The following MGAT5 variants were observed in gnomAD, a reference collection of about 807,000 sequenced individuals.
MGAT5 encodes alpha-1,6-mannosylglycoprotein 6-beta-N-acetylglucosaminyltransferase.
In MGAT5, 30 loss-of-function variants were observed where a neutral mutation model predicts 94.3. The observed-to-expected ratio is 0.32, with a 90% CI of 0.24 to 0.43. The LOEUF is 0.43. Ranked by LOEUF, MGAT5 falls within the 20% of genes least tolerant of loss-of-function variation. MGAT5 has a pLI of 1.00. For synonymous variants in MGAT5, 310 were observed against 322.9 expected, an observed-to-expected ratio of 0.96 and a Z score of 0.43; for missense variants, 691 against 905.5, an observed-to-expected ratio of 0.76 and a Z score of 3.04.
At chr2:134,171,379 G>A (rs1034975939) in intron 1 of MGAT5, among the ~76,000 whole-genome samples, 1 of 152,170 alleles carries the variant, frequency 6.6e-6, no homozygotes, top group Non-Finnish European at 1.5e-5. Flanking sequence ...AGTCCGGAAA[G>A]CATTAGGATT....
rs1553499213 is a variant in MGAT5, at chr2:134,237,149, G to GTGTGTGTGTGCA, written c.-142-17113_-142-17112insTGTGTGTGTGCA. 2.9e-3 allele frequency among the ~76,000 whole-genome samples: 254 copies of GTGTGTGTGTGCA among 87,806 alleles called. 4 individuals are homozygous for GTGTGTGTGTGCA. The highest frequency in any genetic ancestry group is 0.025 in the East Asian group (123 of 4,842). 57.6% of individuals were successfully genotyped at this position (87,806 alleles called of 152,430 possible). On this transcript the variant is annotated intron_variant, in intron 1 of 16. Coordinates refer to the MGAT5 transcript ENST00000409645. ...TGTGTGTGTGTGTGTGTGTGTGTGT[G>GTGTGTGTGTGCA]CGCGTGTGTGTGAATTTTTACCCTC...
intron 10 of MGAT5, among the ~76,000 whole-genome samples, chr2:134,393,817 TCAAA>T (rs1682552209): frequency 6.6e-6 from 1 of 152,138 alleles, no homozygotes; most frequent in Non-Finnish European, 1.5e-5. Context: ...TAATTCAGAA[TCAAA>T]CTAATGAAGC....
chr2:134,395,707 T>C (rs1013035893), intron 10 of MGAT5, among the ~76,000 whole-genome samples: 5 of 152,242 alleles, frequency 3.3e-5, no homozygotes, highest in African/African-American at 9.6e-5. Context: ...GGACCATTGC[T>C]CTTTCCGTAC....
intron 1 of MGAT5, among the ~76,000 whole-genome samples, chr2:134,125,090 T>C (rs1558944765): frequency 6.6e-6 from 1 of 152,204 alleles, no homozygotes; most frequent in African/African-American, 2.4e-5. Flanking sequence ...GATTTTATTA[T>C]ATGTCTTGGT....
intron 1 of MGAT5, among the ~76,000 whole-genome samples, chr2:134,180,545 G>T (rs955300410): frequency 6.6e-6 from 1 of 152,186 alleles, no homozygotes; most frequent in African/African-American, 2.4e-5. Context: ...GTCTTGGAAG[G>T]CTGTGATTTG....
Position 134,355,657 on chromosome 2 carries a change from G to A in MGAT5, c.1246+5719G>A, listed in dbSNP as rs115188710. Among the ~76,000 whole-genome samples, 889 of 152,298 alleles carry A rather than the reference G, an allele frequency of 5.8e-3. 5 individuals carry two copies. The highest frequency in any genetic ancestry group is 0.021 in the African/African-American group (854 of 41,562). ...CCCGCACAGAAAAATAAGAGCGAAG[G>A]CATTTGCCTTTACCATTTAGAAGAG... On this transcript the variant is annotated intron_variant, in intron 9 of 15. Coordinates refer to ENST00000281923, the MANE Select transcript of MGAT5 (RefSeq NM_002410.5).
intron 7 of MGAT5, among the ~76,000 whole-genome samples, chr2:134,342,486 A>G (rs1452759228): frequency 6.6e-6 from 1 of 152,130 alleles, no homozygotes; most frequent in African/African-American, 2.4e-5. Context: ...TGTTAAAACA[A>G]TATATGGTGG....
At chr2:134,227,141 T>C (rs1681107572) in intron 1 of MGAT5, among the ~76,000 whole-genome samples, 1 of 152,178 alleles carries the variant, frequency 6.6e-6, no homozygotes, top group Non-Finnish European at 1.5e-5. Flanking sequence ...CTCTGGCCCA[T>C]CAATGATAAC....
In MGAT5 at chr2:134,436,633, A is replaced by G. The variant is rs111924471; in HGVS notation, c.1870-5125A>G. Reference sequence around the variant, plus strand: ...TCCTGCCCTGCTGGACCTGAGGTGCAAGGTGTCCATTCATCTAGGGCTGCC... The same window carrying G: ...TCCTGCCCTGCTGGACCTGAGGTGCGAGGTGTCCATTCATCTAGGGCTGCC... On this transcript the variant is annotated intron_variant, in intron 14 of 15. Coordinates refer to ENST00000281923, the MANE Select transcript of MGAT5 (RefSeq NM_002410.5). Among the ~76,000 whole-genome samples, 239 of 152,288 alleles carry G rather than the reference A, an allele frequency of 1.6e-3. 2 individuals carry two copies. The highest frequency in any genetic ancestry group is 5.4e-3 in the African/African-American group (224 of 41,544).
intron 14 of MGAT5, among the ~76,000 whole-genome samples, chr2:134,440,610 G>A (rs755021105): frequency 2.0e-4 from 31 of 152,212 alleles, no homozygotes; most frequent in African/African-American, 6.8e-4. Flanking sequence ...GAATAAGAGC[G>A]TTCGAAAACA....
chr2:134,352,539 A>G (rs1679453764), intron 9 of MGAT5, among the ~76,000 whole-genome samples: 2 of 152,180 alleles, frequency 1.3e-5, no homozygotes, highest in Non-Finnish European at 2.9e-5. Flanking sequence ...TATGTTTCCA[A>G]AAGAAACAAT....
intron 2 of MGAT5, among the ~76,000 whole-genome samples, chr2:134,280,514 G>A (rs551409723): frequency 5.5e-4 from 84 of 152,336 alleles, no homozygotes; most frequent in Non-Finnish European, 7.5e-4. Context: ...CTGGTTTTAA[G>A]CTGTCTTGAA....
intron 1 of MGAT5, among the ~76,000 whole-genome samples, chr2:134,259,896 T>C (rs987125942): frequency 1.1e-4 from 17 of 152,140 alleles, no homozygotes; most frequent in African/African-American, 4.1e-4. Flanking sequence ...TAGCAGTACA[T>C]TCCAGGAAGA....
intron 1 of MGAT5, among the ~76,000 whole-genome samples, chr2:134,176,800 C>T (rs1688488553): frequency 6.6e-6 from 1 of 152,166 alleles, no homozygotes; most frequent in Non-Finnish European, 1.5e-5. Flanking sequence ...CAGTGTGCTG[C>T]AGGCTCCCCT....
intron 8 of MGAT5, among the ~76,000 whole-genome samples, chr2:134,345,321 A>G (rs950017570): frequency 1.1e-4 from 16 of 152,188 alleles, no homozygotes; most frequent in Non-Finnish European, 2.2e-4. Flanking sequence ...TCCTCTCAGT[A>G]TGCGTATGCC....
At chr2:134,315,990 A>G (rs568705368) in intron 2 of MGAT5, among the ~76,000 whole-genome samples, 10 of 152,302 alleles carry the variant, frequency 6.6e-5, no homozygotes, top group Non-Finnish European at 1.2e-4. Flanking sequence ...CCACTGAGTT[A>G]TCATTTCAAT....
chr2:134,425,004 G>T (rs955044310), intron 13 of MGAT5, among the ~76,000 whole-genome samples: 2 of 152,190 alleles, frequency 1.3e-5, no homozygotes, highest in Non-Finnish European at 2.9e-5. Context: ...GGTGCTGGGG[G>T]TTAGGACAGC....
chr2:134,307,181 C>A (rs919258278), intron 2 of MGAT5, among the ~76,000 whole-genome samples: 1 of 152,026 alleles, frequency 6.6e-6, no homozygotes, highest in Non-Finnish European at 1.5e-5. Context: ...TTAAGAAAAG[C>A]ATTAGAAGCT....
intron 1 of MGAT5, among the ~76,000 whole-genome samples, chr2:134,166,270 T>A (rs748619373): frequency 6.6e-5 from 10 of 152,218 alleles, no homozygotes; most frequent in African/African-American, 1.2e-4. Flanking sequence ...ATGTAAGAAC[T>A]ATAGTGTGAT....
Sources: gnomAD v4.1 joint callset for allele counts (sites outside exome capture counted in the v4.1 genomes callset) on GRCh38, gnomAD v4.1.1 for gene constraint, MANE v1.5 for transcripts, NCBI Gene and HGNC (gene_info 2026-07-23, HGNC 2026-07-21) for gene names.